FRMD6: variants seen among roughly 807,000 people sequenced by gnomAD.
FRMD6 encodes the protein FERM domain containing 6.
In FRMD6, 37 loss-of-function variants were observed where a neutral mutation model predicts 73.2. That is an observed-to-expected ratio of 0.51 (90% CI 0.39 to 0.66). FRMD6 has a LOEUF of 0.66. Among genes scored for constraint, FRMD6 ranks in the 30% least tolerant of loss-of-function variants. The pLI, the probability that FRMD6 is intolerant of heterozygous loss-of-function variation, is 0.00. For missense variants in FRMD6, 714 were observed against 780.5 expected, an observed-to-expected ratio of 0.91 and a Z score of 1.02; for synonymous variants, 273 against 282.2, an observed-to-expected ratio of 0.97 and a Z score of 0.33.
At chr14:51,665,234 T>C (rs1893495514) in intron 1 of FRMD6, among the ~76,000 whole-genome samples, 1 of 152,218 alleles carries the variant, frequency 6.6e-6, no homozygotes, top group Non-Finnish European at 1.5e-5. Flanking sequence ...ACATAACAGC[T>C]TCCCCCTTTA....
At chr14:51,436,667 G>A in the FRMD6 span, 2 of 532,378 alleles carry the variant, frequency 3.8e-6, no homozygotes, top group Non-Finnish European at 7.0e-6. Flanking sequence ...CCATTCTGAT[G>A]TAGGGGCTAA....
chr14:51,465,294 A>G, the FRMD6 span, among the ~76,000 whole-genome samples: 4 of 152,230 alleles, frequency 2.6e-5, no homozygotes, highest in Non-Finnish European at 4.4e-5. Flanking sequence ...TAACTCATGA[A>G]CAATAAACTG....
At chr14:51,548,167 C>T (rs778605004) in intron 1 of FRMD6, among the ~76,000 whole-genome samples, 4 of 152,056 alleles carry the variant, frequency 2.6e-5, no homozygotes, top group Admixed American at 6.5e-5. Flanking sequence ...ATCACTAAGG[C>T]TAAACAACTG....
At chr14:51,476,194 A>G in the FRMD6 span, among the ~76,000 whole-genome samples, 2 of 152,184 alleles carry the variant, frequency 1.3e-5, no homozygotes, top group African/African-American at 2.4e-5. Flanking sequence ...CATAGAGACA[A>G]GCAGAGGTGT....
At chr14:51,545,368 T>C (rs1886411493) in intron 1 of FRMD6, among the ~76,000 whole-genome samples, 1 of 151,940 alleles carries the variant, frequency 6.6e-6, no homozygotes, top group South Asian at 2.1e-4. Context: ...TACAAACGGG[T>C]TTACAAACTG....
intron 1 of FRMD6, among the ~76,000 whole-genome samples, chr14:51,666,164 G>T (rs574410514): frequency 8.5e-5 from 13 of 152,228 alleles, no homozygotes; most frequent in Admixed American, 2.0e-4. Flanking sequence ...CATTTCCTTT[G>T]TAGCTTTGTT....
At chr14:51,426,239 T>G in the FRMD6 span, among the ~76,000 whole-genome samples, 2 of 152,140 alleles carry the variant, frequency 1.3e-5, no homozygotes, top group African/African-American at 2.4e-5. Context: ...GAACTTAGCC[T>G]GGCAATCAAG....
At chr14:51,467,113 C>G in the FRMD6 span, among the ~76,000 whole-genome samples, 9 of 152,118 alleles carry the variant, frequency 5.9e-5, no homozygotes, top group Non-Finnish European at 2.9e-5. Flanking sequence ...AGGGCCCTGC[C>G]GCCTTCCGCA....
At chr14:51,468,041 C>T in the FRMD6 span, among the ~76,000 whole-genome samples, 1 of 152,128 alleles carries the variant, frequency 6.6e-6, no homozygotes, top group African/African-American at 2.4e-5. Context: ...GCAATCCCGG[C>T]ACCTCGGGAG....
At chr14:51,657,861 G>A (rs1053171883) in intron 1 of FRMD6, among the ~76,000 whole-genome samples, 3 of 152,180 alleles carry the variant, frequency 2.0e-5, no homozygotes, top group African/African-American at 7.2e-5. Flanking sequence ...ATTGGTAAGA[G>A]GAAGGAGGCC....
At chr14:51,721,752 A>AGGG (rs1566598502) in intron 11 of FRMD6, among the ~76,000 whole-genome samples, 197 bp from the exon 12 acceptor site, 1 of 106,554 alleles carries the variant, frequency 9.4e-6, no homozygotes, top group African/African-American at 3.6e-5. Flanking sequence ...GGAAGGGAGG[A>AGGG]AGGAAGGAGG....
At chr14:51,419,952 A>G in the FRMD6 span, among the ~76,000 whole-genome samples, 6 of 152,026 alleles carry the variant, frequency 3.9e-5, no homozygotes, top group African/African-American at 1.5e-4. Flanking sequence ...AGGTGTGGTC[A>G]TGGGACTTCC....
chr14:51,525,008 T>TA (rs1885151542), intron 1 of FRMD6, among the ~76,000 whole-genome samples: 1 of 88,948 alleles, frequency 1.1e-5, no homozygotes, highest in African/African-American at 4.5e-5. Context: ...CAGGATTGTG[T>TA]GTTGGGTGGG....
chr14:51,399,969 A>T, the FRMD6 span, among the ~76,000 whole-genome samples: 4 of 107,742 alleles, frequency 3.7e-5, no homozygotes, highest in Non-Finnish European at 9.8e-5. Flanking sequence ...TCCTTTTTTA[A>T]AAAAAGTTTT....
intron 7 of FRMD6, among the ~76,000 whole-genome samples, chr14:51,708,861 G>A (rs1417057933): frequency 6.6e-6 from 1 of 152,104 alleles, no homozygotes; most frequent in Non-Finnish European, 1.5e-5. Flanking sequence ...TGATAACATA[G>A]GCTGTGAGCC....
chr14:51,418,026 A>T, the FRMD6 span, among the ~76,000 whole-genome samples: 1 of 151,994 alleles, frequency 6.6e-6, no homozygotes, highest in Admixed American at 6.5e-5. Flanking sequence ...TCTTCTCTAC[A>T]CTGTTTATTC....
At chr14:51,494,957 A>C (rs936722694) in intron 1 of FRMD6, among the ~76,000 whole-genome samples, 1 of 152,116 alleles carries the variant, frequency 6.6e-6, no homozygotes, top group African/African-American at 2.4e-5. Flanking sequence ...TAAGCTGAGA[A>C]TTTTCTAAAT....
intron 5 of FRMD6, among the ~76,000 whole-genome samples, chr14:51,703,775 A>G (rs1042120912): frequency 6.6e-6 from 1 of 152,050 alleles, no homozygotes; most frequent in Non-Finnish European, 1.5e-5. Flanking sequence ...CTACTTAACC[A>G]TGGTCTTAGT....
At chr14:51,434,928 G>C in the FRMD6 span, among the ~76,000 whole-genome samples, 1 of 152,098 alleles carries the variant, frequency 6.6e-6, no homozygotes, top group Non-Finnish European at 1.5e-5. Context: ...TCAGATCAAA[G>C]TCTAGGGAGA....
Sources: gnomAD v4.1 joint callset for allele counts (sites outside exome capture counted in the v4.1 genomes callset) on GRCh38, gnomAD v4.1.1 for gene constraint, MANE v1.5 for transcripts, NCBI Gene and HGNC (gene_info 2026-07-23, HGNC 2026-07-21) for gene names.